PBX1: variants seen among roughly 807,000 people sequenced by gnomAD.
PBX1 encodes the protein PBX homeobox 1.
Under a neutral mutation model 53.4 loss-of-function variants are expected in PBX1, and 6 were observed. The observed-to-expected ratio is 0.11, with a 90% CI of 0.06 to 0.22. The LOEUF is 0.22. Ranked by LOEUF, PBX1 falls within the 10% of genes least tolerant of loss-of-function variation. The pLI, the probability that PBX1 is intolerant of heterozygous loss-of-function variation, is 1.00. For missense variants in PBX1, 251 were observed against 551.4 expected (o/e 0.46, Z 5.46); for synonymous variants, 204 against 212.3 (o/e 0.96, Z 0.34).
At chr1:164,873,241 G>T (rs1168105789) in intron 2 of PBX1, among the ~76,000 whole-genome samples, 1 of 152,144 alleles carries the variant, frequency 6.6e-6, no homozygotes, top group Non-Finnish European at 1.5e-5. Context: ...GAGCCTTGTG[G>T]CAAAAACCCT....
In PBX1 at chr1:164,712,587, G is replaced by A. The variant is rs375534153; in HGVS notation, c.266-79907G>A. On this transcript the variant is annotated intron_variant, in intron 2 of 8. Coordinates refer to ENST00000420696, the MANE Select transcript of PBX1 (RefSeq NM_002585.4). ...GGAAGGCACAGAGGCAGGAGGTGGG[G>A]TGGATAGTAATGTGTGCCCCCTTGG... Among the ~76,000 whole-genome samples, 5 of 152,302 alleles carry A rather than the reference G, an allele frequency of 3.3e-5. No homozygotes were observed. In the East Asian group the frequency reaches 7.7e-4, roughly 24 times the overall value.
chr1:164,750,221 CTG>C (rs1258248449), intron 2 of PBX1, among the ~76,000 whole-genome samples: 2 of 149,472 alleles, frequency 1.3e-5, no homozygotes, highest in Non-Finnish European at 3.0e-5. Context: ...TCATTGCTAA[CTG>C]TGTGTTGGCC....
At chr1:164,621,167 T>G (rs1264524321) in intron 2 of PBX1, among the ~76,000 whole-genome samples, 1 of 151,860 alleles carries the variant, frequency 6.6e-6, no homozygotes, top group Non-Finnish European at 1.5e-5. Context: ...TTTTGTATTT[T>G]TAGTAGAGAC....
chr1:164,600,545 A>T (rs1006337427), intron 2 of PBX1, among the ~76,000 whole-genome samples: 6 of 152,172 alleles, frequency 3.9e-5, no homozygotes, highest in Non-Finnish European at 7.3e-5. Flanking sequence ...CACTGCGCCT[A>T]GCCTACTACT....
chr1:164,640,354 A>C (rs1009121774), intron 2 of PBX1, among the ~76,000 whole-genome samples: 2 of 152,096 alleles, frequency 1.3e-5, no homozygotes, highest in Non-Finnish European at 1.5e-5. Flanking sequence ...CCCCGGCTAG[A>C]ATGATGAAAA....
At chr1:164,842,267 G>A (rs1671339770) in intron 8 of PBX1, among the ~76,000 whole-genome samples, 1 of 152,144 alleles carries the variant, frequency 6.6e-6, no homozygotes, top group Non-Finnish European at 1.5e-5. Flanking sequence ...GTCCTGTCAG[G>A]AGAAACCACG....
intron 2 of PBX1, among the ~76,000 whole-genome samples, chr1:164,711,120 A>G (rs1030103345): frequency 2.6e-5 from 4 of 151,462 alleles, no homozygotes; most frequent in African/African-American, 9.7e-5. Flanking sequence ...TTGAGGGGGG[A>G]AAATACATCA....
chr1:164,750,956 G>A (rs921870550), intron 2 of PBX1, among the ~76,000 whole-genome samples: 6 of 152,060 alleles, frequency 3.9e-5, no homozygotes, highest in Non-Finnish European at 4.4e-5. Context: ...TTTAAATAGG[G>A]TCTAGGGATC....
At chr1:164,700,694 C>A (rs1663068220) in intron 2 of PBX1, 1 of 985,302 alleles carries the variant, frequency 1.0e-6, no homozygotes, top group African/African-American at 1.7e-5. Flanking sequence ...GGAAGGGGAC[C>A]CAACTCTCCT....
At chr1:164,819,445 C>T (rs1026014011) in intron 6 of PBX1, 1 of 152,088 alleles carries the variant, frequency 6.6e-6, no homozygotes, top group Non-Finnish European at 1.5e-5. Context: ...CCCACATATT[C>T]TTACAGTCCT....
rs191735557 is a variant in PBX1, at chr1:164,768,117, A to C, written c.266-24377A>C. On this transcript the variant is annotated intron_variant, in intron 2 of 8. Coordinates refer to ENST00000420696, the MANE Select transcript of PBX1 (RefSeq NM_002585.4). ...TTCGAATCATATTATCTGAAGGGAC[A>C]TGAAAAGGGAGTAAAAAAAACCTAA... Among the ~76,000 whole-genome samples the C allele has an allele frequency of 7.9e-5, 12 of 152,302 alleles. No homozygotes were observed. The East Asian group carries it at 2.3e-3, about 29-fold the overall frequency.
intron 2 of PBX1, among the ~76,000 whole-genome samples, chr1:164,860,575 G>C (rs1672073456): frequency 6.6e-6 from 1 of 151,964 alleles, no homozygotes; most frequent in South Asian, 2.1e-4. Context: ...CTAGAATGAT[G>C]GCCCCTAACA....
intron 2 of PBX1, among the ~76,000 whole-genome samples, chr1:164,669,619 T>C (rs935876498): frequency 1.3e-5 from 2 of 152,190 alleles, no homozygotes; most frequent in Non-Finnish European, 2.9e-5. Context: ...ACTGCCTCTC[T>C]GACCTTCTGT....
At chr1:164,823,369 A>G (rs1012274761) in intron 8 of PBX1, among the ~76,000 whole-genome samples, 1 of 148,522 alleles carries the variant, frequency 6.7e-6, no homozygotes, top group Non-Finnish European at 1.5e-5. Flanking sequence ...ACATGCATTT[A>G]TGTATTTCCT....
At position 164,850,075 on chromosome 1, in the gene PBX1, A is replaced by T. The variant is rs1320023910; in HGVS notation, c.*3399A>T. 4.4e-6 allele frequency: 1 copy of T among 227,158 alleles called. No individual in the cohort carries two copies. Among genetic ancestry groups the T allele is most frequent in the East Asian group, 6.3e-5 (1 of 15,782 alleles). 14.1% of individuals were successfully genotyped at this position (227,158 alleles called of 1,614,324 possible). On this transcript the variant is annotated 3_prime_UTR_variant, in exon 9 of 9. Coordinates refer to ENST00000420696, the MANE Select transcript of PBX1 (RefSeq NM_002585.4). ...AAACCAAAAAAGCGGTCTGAATTTA[A>T]TAGTGTTTATAATAAAAATTTTAAA...
chr1:164,580,383 A>G (rs1354762498), intron 2 of PBX1, among the ~76,000 whole-genome samples: 1 of 152,184 alleles, frequency 6.6e-6, no homozygotes, highest in Non-Finnish European at 1.5e-5. Flanking sequence ...GGTTCAAGCA[A>G]TTCTTGTGCC....
At chr1:164,778,583 G>T (rs1667780035) in intron 2 of PBX1, among the ~76,000 whole-genome samples, 1 of 151,314 alleles carries the variant, frequency 6.6e-6, no homozygotes, top group Non-Finnish European at 1.5e-5. Context: ...GCTGCAATGA[G>T]CTGTGATTGC....
intron 8 of PBX1, among the ~76,000 whole-genome samples, chr1:164,846,292 G>A (rs1671565549): frequency 6.6e-6 from 1 of 152,196 alleles, no homozygotes. Context: ...CTGCAGGACA[G>A]CTGTCATTTC....
At chr1:164,821,041 A>G (rs982299977) in intron 7 of PBX1, among the ~76,000 whole-genome samples, 3 of 152,224 alleles carry the variant, frequency 2.0e-5, no homozygotes, top group Admixed American at 2.0e-4. Flanking sequence ...AAGTGACTAA[A>G]CAACTGGCCA....
Sources: gnomAD v4.1 joint callset for allele counts (sites outside exome capture counted in the v4.1 genomes callset) on GRCh38, gnomAD v4.1.1 for gene constraint, MANE v1.5 for transcripts, NCBI Gene and HGNC (gene_info 2026-07-23, HGNC 2026-07-21) for gene names.